L3MBTL4: variants seen among roughly 807,000 people sequenced by gnomAD.
The protein encoded by L3MBTL4 is L3MBTL histone methyl-lysine binding protein 4.
Under a neutral mutation model 84.5 loss-of-function variants are expected in L3MBTL4, and 70 were observed. The ratio of observed to expected loss-of-function variants is 0.83; its 90% confidence interval spans 0.68 to 1.01. The LOEUF is 1.01. Among genes scored for constraint, L3MBTL4 ranks in the 50% least tolerant of loss-of-function variants. The pLI, the probability that L3MBTL4 is intolerant of heterozygous loss-of-function variation, is 0.00. For missense variants in L3MBTL4, 715 were observed against 754.8 expected, an observed-to-expected ratio of 0.95 and a Z score of 0.62; for synonymous variants, 274 against 259.8, an observed-to-expected ratio of 1.05 and a Z score of -0.52.
chr18:6,365,508 C>A lies in L3MBTL4; in HGVS notation c.-91+49293G>T, dbSNP rs76762036. Reference sequence around the variant, plus strand: ...CTACTGGCCATGTCCTATTTGAAAACAGACATTTTAGCCATCTAAAGAAGA... The same window carrying A: ...CTACTGGCCATGTCCTATTTGAAAAAAGACATTTTAGCCATCTAAAGAAGA... On this transcript the variant is annotated intron_variant, in intron 1 of 18. Coordinates refer to ENST00000317931, the MANE Select transcript of L3MBTL4 (RefSeq NM_001330559.2). 8.6e-3 allele frequency among the ~76,000 whole-genome samples: 1,314 copies of A among 152,276 alleles called. 25 individuals carry two copies. The highest frequency in any genetic ancestry group is 0.03 in the African/African-American group (1,257 of 41,546).
chr18:6,153,384 A>ATT (rs202109269), intron 13 of L3MBTL4, among the ~76,000 whole-genome samples: 1 of 152,030 alleles, frequency 6.6e-6, no homozygotes, highest in African/African-American at 2.4e-5. Context: ...GTCTTCTACA[A>ATT]TTTTTTTCAA....
rs1567912020 is a variant in L3MBTL4, at chr18:5,958,133, GAAGAAGAAGAAGAAGAAGAAGAAGAAC to G, written c.1678-1773_1678-1747del. 7.0e-3 allele frequency among the ~76,000 whole-genome samples: 407 copies of G among 57,992 alleles called. 10 individuals carry two copies. The highest frequency in any genetic ancestry group is 0.024 in the East Asian group (53 of 2,186). 38.0% of individuals were successfully genotyped at this position (57,992 alleles called of 152,430 possible). ...AGAAGAAGAAGAAGAAGAAGAAAAA[GAAGAAGAAGAAGAAGAAGAAGAAGAAC>G]AAGAAGAAGAAGAAGACGACGAAGA... On this transcript the variant is annotated intron_variant, in intron 18 of 18. Transcript: ENST00000317931.
At chr18:6,032,273 G>A (rs1388413222) in intron 16 of L3MBTL4, 20 of 948,284 alleles carry the variant, frequency 2.1e-5, no homozygotes, top group South Asian at 1.5e-4. Flanking sequence ...CACCGCACTC[G>A]GCCTTAAATT....
intron 14 of L3MBTL4, among the ~76,000 whole-genome samples, chr18:6,127,501 G>T (rs528931377): frequency 6.6e-6 from 1 of 152,292 alleles, no homozygotes; most frequent in African/African-American, 2.4e-5. Flanking sequence ...TATTTGGTAG[G>T]TAAATGAAGT....
At chr18:6,396,799 T>A (rs568565112) in intron 1 of L3MBTL4, 1 of 152,350 alleles carries the variant, frequency 6.6e-6, no homozygotes, top group East Asian at 1.9e-4. Flanking sequence ...CTTCATACTA[T>A]GTTCTAAATG....
intron 16 of L3MBTL4, among the ~76,000 whole-genome samples, chr18:6,025,861 TG>T (rs1414397504): frequency 1.3e-5 from 2 of 152,246 alleles, no homozygotes; most frequent in Non-Finnish European, 2.9e-5. Flanking sequence ...CTCACCAGCC[TG>T]CCGCTCACTT....
chr18:6,352,260 A>G (rs2053235245), intron 1 of L3MBTL4, among the ~76,000 whole-genome samples: 1 of 152,172 alleles, frequency 6.6e-6, no homozygotes, highest in Non-Finnish European at 1.5e-5. Context: ...CCTCAAAGTA[A>G]TTACCTCCTC....
rs190046492 is a variant in L3MBTL4 at position 6,067,318 on chromosome 18, A to G, written c.1444+13563T>C. ...CAATGAATTTCCCAGGAGTTCCTTGAGTTTTCTGTATTTGGATATATAGAG... is the reference window on the plus strand; with the variant it reads ...CAATGAATTTCCCAGGAGTTCCTTGGGTTTTCTGTATTTGGATATATAGAG... On this transcript the variant is annotated intron_variant, in intron 16 of 18. Coordinates refer to ENST00000317931, the MANE Select transcript of L3MBTL4 (RefSeq NM_001330559.2). Among the ~76,000 whole-genome samples, 340 of 152,164 alleles carry G rather than the reference A, an allele frequency of 2.2e-3. 2 individuals carry two copies. The highest frequency in any genetic ancestry group is 8.1e-3 in the African/African-American group (336 of 41,510).
At chr18:6,083,035 C>T (rs745434423) in intron 15 of L3MBTL4, among the ~76,000 whole-genome samples, 1 of 152,172 alleles carries the variant, frequency 6.6e-6, no homozygotes, top group Non-Finnish European at 1.5e-5. Context: ...CAACAACCTG[C>T]CCCATCTTGG....
At chr18:6,353,350 C>T (rs2053289734) in intron 1 of L3MBTL4, among the ~76,000 whole-genome samples, 1 of 151,692 alleles carries the variant, frequency 6.6e-6, no homozygotes, top group African/African-American at 2.4e-5. Context: ...TTTCAATAAG[C>T]ATCCTTACTA....
In L3MBTL4 at chr18:6,379,961, T is replaced by A. The variant is rs368664158; in HGVS notation, c.-91+34840A>T. On this transcript the variant is annotated intron_variant, in intron 1 of 18. Transcript: ENST00000317931. Reference sequence around the variant, plus strand: ...CCGTCTGGTCCTGGACTTTTTTTGGTTGGTAGGCTATTAATTACTGCCTCA... The same window carrying A: ...CCGTCTGGTCCTGGACTTTTTTTGGATGGTAGGCTATTAATTACTGCCTCA... Among the ~76,000 whole-genome samples the A allele has an allele frequency of 1.1e-4, 17 of 152,272 alleles. No individual in the cohort carries two copies. The South Asian group carries it at 1.2e-3, about 11-fold the overall frequency.
At position 6,387,068 on chromosome 18, in the gene L3MBTL4, C is replaced by A. The variant is rs189418099; in HGVS notation, c.-91+27733G>T. 1.1e-3 allele frequency among the ~76,000 whole-genome samples: 172 copies of A among 152,080 alleles called. 1 individual carries two copies. The highest frequency in any genetic ancestry group is 4.1e-3 in the African/African-American group (170 of 41,478). On this transcript the variant is annotated intron_variant, in intron 1 of 18. Transcript: ENST00000317931. ...TCGAAGGTACAGCAGCCAGGACTGG[C>A]GACAGACAGGATTACAGAGAAAAAG... is the stretch of plus-strand genomic sequence containing the variant.
intron 13 of L3MBTL4, among the ~76,000 whole-genome samples, chr18:6,140,197 C>T (rs1441923018): frequency 6.6e-6 from 1 of 152,162 alleles, no homozygotes; most frequent in Admixed American, 6.5e-5. Context: ...AGTGGAGGTT[C>T]CAGGCCACTA....
chr18:6,244,986 T>G (rs1448141090), intron 5 of L3MBTL4, among the ~76,000 whole-genome samples: 1 of 152,302 alleles, frequency 6.6e-6, no homozygotes, highest in East Asian at 1.9e-4. Context: ...CTTGGCTCAC[T>G]GCAACCTCCA....
At chr18:6,348,313 G>GAGA (rs753464157) in intron 1 of L3MBTL4, among the ~76,000 whole-genome samples, 5 of 151,984 alleles carry the variant, frequency 3.3e-5, no homozygotes, top group Non-Finnish European at 5.9e-5. Context: ...ATACAAATAT[G>GAGA]AGAAGAAGAA....
intron 1 of L3MBTL4, among the ~76,000 whole-genome samples, chr18:6,342,217 C>T (rs1320956142): frequency 2.0e-5 from 3 of 152,078 alleles, no homozygotes; most frequent in Non-Finnish European, 4.4e-5. Context: ...AAGGTAAGCA[C>T]ATAATCAAAT....
At position 5,958,119 on chromosome 18, in the gene L3MBTL4, AAGAAGAAGAAAAAG is replaced by A. The variant is rs1567911874; in HGVS notation, c.1678-1746_1678-1733del. On this transcript the variant is annotated intron_variant, in intron 18 of 18. Coordinates refer to ENST00000317931, the MANE Select transcript of L3MBTL4 (RefSeq NM_001330559.2). ...GAAGAAGAAGAAGAAGAAGAAGAAG[AAGAAGAAGAAAAAG>A]AAGAAGAAGAAGAAGAAGAAGAAGA... 7.4e-4 allele frequency among the ~76,000 whole-genome samples: 39 copies of A among 52,676 alleles called. 1 individual carries two copies. The highest frequency in any genetic ancestry group is 2.7e-3 in the South Asian group (5 of 1,838). The allele number at this position is 52,676 out of a possible 152,430, so 34.6% of individuals were successfully genotyped here.
chr18:6,255,136 G>A (rs1430279810), intron 5 of L3MBTL4, among the ~76,000 whole-genome samples: 1 of 152,144 alleles, frequency 6.6e-6, no homozygotes, highest in Non-Finnish European at 1.5e-5. Context: ...AGAGAAAATA[G>A]ACAAGGATAC....
intron 10 of L3MBTL4, among the ~76,000 whole-genome samples, chr18:6,216,333 A>G (rs1357566307): frequency 1.3e-5 from 2 of 152,192 alleles, no homozygotes; most frequent in Admixed American, 6.5e-5. Flanking sequence ...AGTTAAAACT[A>G]TATATTGAAC....
Sources: allele counts gnomAD v4.1 joint callset (sites outside exome capture counted in the v4.1 genomes callset), GRCh38; gene constraint gnomAD v4.1.1; transcripts MANE v1.5; gene names NCBI Gene and HGNC (gene_info 2026-07-23, HGNC 2026-07-21).